Variants in SOHLH2 observed in about 807,000 individuals in gnomAD.
The protein encoded by SOHLH2 is spermatogenesis and oogenesis specific basic helix-loop-helix 2, also known as spermatogenesis- and oogenesis-specific basic helix-loop-helix-containing protein 2.
A neutral mutation model predicts 50.4 loss-of-function variants in SOHLH2; 22 were observed. The ratio of observed to expected loss-of-function variants is 0.44; its 90% CI spans 0.31 to 0.62. The LOEUF (loss-of-function observed/expected upper bound fraction) is 0.62. SOHLH2 is among the 20% of genes least tolerant of loss of function. The pLI is 0.08. For synonymous variants in SOHLH2, 185 were observed against 187.3 expected (o/e 0.99, Z 0.10); for missense variants, 412 against 504.4 (o/e 0.82, Z 1.76).
At chr13:36,190,135 T>C in intron 5 of SOHLH2, 79 bp from the exon 6 acceptor site, 1 of 1,290,426 alleles carries the variant, frequency 7.7e-7, no homozygotes. Context: ...ACCAATACAC[T>C]AAACAAAGGA....
chr13:36,192,279 A>T (rs900220714), intron 4 of SOHLH2, among the ~76,000 whole-genome samples: 1 of 152,120 alleles, frequency 6.6e-6, no homozygotes, highest in Non-Finnish European at 1.5e-5. Context: ...ATCTGAAAAA[A>T]ATTTTTTCCT....
chr13:36,183,128 G>A (rs1219319543), intron 6 of SOHLH2: 53 of 347,130 alleles, frequency 1.5e-4, no homozygotes, highest in Non-Finnish European at 6.9e-5. Context: ...GCTCCACTTT[G>A]CCTCCTGCCA....
At chr13:36,188,204 G>A (rs1034176366) in intron 6 of SOHLH2, among the ~76,000 whole-genome samples, 1 of 152,190 alleles carries the variant, frequency 6.6e-6, no homozygotes, top group Non-Finnish European at 1.5e-5. Flanking sequence ...TTAATGTCAT[G>A]TAGGCAGAAG....
intron 6 of SOHLH2, among the ~76,000 whole-genome samples, chr13:36,177,313 A>T (rs1887120644): frequency 6.6e-6 from 1 of 152,104 alleles, no homozygotes; most frequent in East Asian, 1.9e-4. Context: ...CAGCTTACTT[A>T]TCCATTCTCT....
chr13:36,201,048 C>CAAAAAAA (rs10660002), intron 2 of SOHLH2, among the ~76,000 whole-genome samples: 319 of 55,308 alleles, frequency 5.8e-3, no homozygotes, highest in Middle Eastern at 0.016. Context: ...GACTCTGCCT[C>CAAAAAAA]AAAAAAAAAA....
In SOHLH2 at chr13:36,209,983, G is replaced by A. The variant is rs530007916; in HGVS notation, c.48+4496C>T. 3.5e-5 allele frequency among the ~76,000 whole-genome samples: 5 copies of A among 141,934 alleles called. No individual in the cohort carries two copies. In the East Asian group the frequency reaches 1.1e-3, roughly 32 times the overall value. 93.1% of individuals were successfully genotyped at this position (141,934 alleles called of 152,430 possible). A position where few individuals can be genotyped will look rare whatever the true frequency, so the allele number is the denominator to read the frequency against. On this transcript the variant is annotated intron_variant, in intron 1 of 10. Coordinates refer to ENST00000379881, the MANE Select transcript of SOHLH2 (RefSeq NM_017826.3). ...CCAGCTAATTGTCAAAATCAAGGTG[G>A]GCTCTACTCTGAAGACCAAGTATGT...
At chr13:36,179,166 G>A (rs1887179335) in intron 6 of SOHLH2, among the ~76,000 whole-genome samples, 1 of 152,142 alleles carries the variant, frequency 6.6e-6, no homozygotes, top group South Asian at 2.1e-4. Flanking sequence ...GTAAGAATGG[G>A]CACCCTTAGT....
intron 2 of SOHLH2, among the ~76,000 whole-genome samples, chr13:36,201,513 T>A (rs1868416861): frequency 6.6e-6 from 1 of 151,748 alleles, no homozygotes; most frequent in South Asian, 2.1e-4. Flanking sequence ...CACTCTGTCG[T>A]CCAGGTTAGA....
intron 6 of SOHLH2, among the ~76,000 whole-genome samples, chr13:36,177,110 A>AT (rs905380518): frequency 3.3e-5 from 5 of 151,968 alleles, no homozygotes; most frequent in Non-Finnish European, 7.4e-5. Context: ...CAATTCTAGT[A>AT]TTTTTTTTCC....
chr13:36,202,231 G>A (rs970305998), intron 1 of SOHLH2, 138 bp from the exon 2 acceptor site: 2 of 1,069,704 alleles, frequency 1.9e-6, no homozygotes, highest in African/African-American at 1.6e-5. Flanking sequence ...TGGCTAGATG[G>A]TCAACTATAA....
intron 6 of SOHLH2, among the ~76,000 whole-genome samples, chr13:36,180,072 A>T (rs1887207206): frequency 6.6e-6 from 1 of 152,232 alleles, no homozygotes; most frequent in South Asian, 2.1e-4. Context: ...ATTTTGTTAA[A>T]CATAGAGCTA....
At chr13:36,208,317 T>C (rs912015487) in intron 1 of SOHLH2, among the ~76,000 whole-genome samples, 64 of 152,332 alleles carry the variant, frequency 4.2e-4, no homozygotes, top group African/African-American at 1.5e-3. Flanking sequence ...TATGTTCCTT[T>C]TCCCTCATTT....
chr13:36,184,856 C>G, intron 6 of SOHLH2, among the ~76,000 whole-genome samples: 1 of 152,154 alleles, frequency 6.6e-6, no homozygotes, highest in East Asian at 1.9e-4. Context: ...CACCCATCAA[C>G]CCGTTATCTA....
intron 2 of SOHLH2, among the ~76,000 whole-genome samples, 160 bp downstream of exon 2, chr13:36,201,719 A>T (rs562354864): frequency 1.4e-4 from 22 of 152,256 alleles, no homozygotes; most frequent in Admixed American, 5.9e-4. Flanking sequence ...ATCATCCCAC[A>T]TCGGCCTCTC....
rs546136075 is a variant in SOHLH2, at chr13:36,204,600, G to C, written c.49-2507C>G. Among the ~76,000 whole-genome samples, 23 of 152,186 alleles carry C rather than the reference G, an allele frequency of 1.5e-4. No individual in the cohort carries two copies. The South Asian group carries it at 4.6e-3, about 30-fold the overall frequency. On this transcript the variant is annotated intron_variant, in intron 1 of 10. Coordinates refer to ENST00000379881, the MANE Select transcript of SOHLH2 (RefSeq NM_017826.3). Reference sequence around the variant, plus strand: ...TTCACAATGCCAGGTAGGGGTGTGTGGGGGTGTGTGTGTGTTTCTGGACTT... The same window carrying C: ...TTCACAATGCCAGGTAGGGGTGTGTCGGGGTGTGTGTGTGTTTCTGGACTT...
chr13:36,177,802 T>C (rs1327388983), intron 6 of SOHLH2, among the ~76,000 whole-genome samples: 1 of 152,124 alleles, frequency 6.6e-6, no homozygotes, highest in East Asian at 1.9e-4. Context: ...TCTTTACATA[T>C]CTTGGATACC....
intron 6 of SOHLH2, among the ~76,000 whole-genome samples, chr13:36,184,029 A>C (rs1421399062): frequency 6.6e-6 from 1 of 152,202 alleles, no homozygotes; most frequent in African/African-American, 2.4e-5. Context: ...TATTTATAGA[A>C]TACTACACCC....
chr13:36,174,196 C>A (rs1283333975), intron 8 of SOHLH2, among the ~76,000 whole-genome samples: 3 of 151,842 alleles, frequency 2.0e-5, no homozygotes, highest in Non-Finnish European at 2.9e-5. Context: ...CCACCACCAT[C>A]CCTACACTCA....
At position 36,193,874 on chromosome 13, in the gene SOHLH2, G is replaced by A. The variant is rs1423089298; in HGVS notation, c.264-7C>T. 3 of 1,591,490 alleles carry A rather than the reference G, an allele frequency of 1.9e-6. No individual in the cohort carries two copies. Among genetic ancestry groups the A allele is most frequent in the African/African-American group, 2.7e-5 (2 of 73,548 alleles). On this transcript the variant is annotated splice_region_variant and splice_polypyrimidine_tract_variant and intron_variant, in intron 2 of 10. Transcript: ENST00000379881. ...ATTTTTCTTTTTGCCAAATCTGAGA[G>A]AGGAAAGAAAATGTTAAAATGAAGC...
Sources: allele counts gnomAD v4.1 joint callset (sites outside exome capture counted in the v4.1 genomes callset), GRCh38; gene constraint gnomAD v4.1.1; transcripts MANE v1.5; gene names NCBI Gene and HGNC (gene_info 2026-07-23, HGNC 2026-07-21).